The following TK2 variants were observed in gnomAD, a reference collection of about 807,000 sequenced individuals.
TK2 encodes thymidine kinase 2, also known as thymidine kinase 2, mitochondrial.
A neutral mutation model predicts 41.9 loss-of-function variants in TK2; 35 were observed. That is an observed-to-expected ratio of 0.84 (90% CI 0.64 to 1.11). The LOEUF is 1.11. Among genes scored for constraint, TK2 ranks in the 50% least tolerant of loss-of-function variants. The probability of loss-of-function intolerance (pLI) is 0.00; values close to 1 mark genes in which losing one functional copy is unlikely to be tolerated. For missense variants in TK2, 320 were observed against 351.1 expected (o/e 0.91, Z 0.71); for synonymous variants, 128 against 129.1 (o/e 0.99, Z 0.06).
chr16:66,528,594 G>C (rs1965007212), intron 6 of TK2, among the ~76,000 whole-genome samples: 1 of 152,174 alleles, frequency 6.6e-6, no homozygotes, highest in Non-Finnish European at 1.5e-5. Flanking sequence ...ATATGTCCTT[G>C]CATCTCTGCT....
chr16:66,534,269 C>A (rs1373854804), intron 4 of TK2, among the ~76,000 whole-genome samples: 1 of 151,910 alleles, frequency 6.6e-6, no homozygotes, highest in Non-Finnish European at 1.5e-5. Context: ...GCCCTAACTG[C>A]AAAAAATAAA....
At chr16:66,542,664 G>T (rs140474694) in intron 2 of TK2, among the ~76,000 whole-genome samples, 1 of 152,276 alleles carries the variant, frequency 6.6e-6, no homozygotes, top group Non-Finnish European at 1.5e-5. Context: ...AGTGGGAGGG[G>T]CCAGAAACAG....
chr16:66,536,012 TG>T (rs953319446), intron 4 of TK2, among the ~76,000 whole-genome samples: 12 of 152,118 alleles, frequency 7.9e-5, no homozygotes, highest in African/African-American at 2.9e-4. Flanking sequence ...GAGACCATCC[TG>T]GCCAACATGG....
At position 66,517,252 on chromosome 16, in the gene TK2, C is replaced by T. The variant is rs775280122; in HGVS notation, c.539-37G>A. On this transcript the variant is annotated intron_variant, in intron 7 of 9. Transcript: ENST00000544898. The surrounding 1 kb of genome is among the most constrained non-coding windows in gnomAD (Gnocchi z 4.3). The stretch of plus-strand genomic sequence containing the variant: ...AGAATACGTGGCTCTCAGGACTCTG[C>T]TCATGGCTTGGAAGCAAAGCAGGCA... 3 of 1,585,900 alleles carry T rather than the reference C, an allele frequency of 1.9e-6. No homozygotes were observed. In the South Asian group the frequency reaches 3.3e-5, roughly 18 times the overall value.
rs1319918760 is a variant in TK2 at position 66,514,488 on chromosome 16, G to A, written c.619-677C>T. 2.0e-5 allele frequency among the ~76,000 whole-genome samples: 3 copies of A among 152,168 alleles called. No individual in the cohort carries two copies. Among genetic ancestry groups the A allele is most frequent in the Non-Finnish European group, 2.9e-5 (2 of 68,034 alleles). ...TCGCTACAACCTCCACCTCCCAGCC[G>A]CCTGCCTTGGCCTCCCAAAGTGCCG... On this transcript the variant is annotated intron_variant, in intron 8 of 9. Coordinates refer to ENST00000544898, the MANE Select transcript of TK2 (RefSeq NM_004614.5). This position sits in a 1 kb window ranked among gnomAD's most constrained non-coding sequence, Gnocchi z 4.2.
rs148120249 is a variant in TK2 at position 66,547,828 on chromosome 16, T to C, written c.156+1150A>G. On this transcript the variant is annotated intron_variant, in intron 2 of 9. Transcript: ENST00000544898. ...GTTTACAAACAGTCCTGAGCCTGAA[T>C]GCAGGCTCCATACCACTTTCTATGA... is the stretch of plus-strand genomic sequence containing the variant. The C allele has an allele frequency of 1.1e-3, 1,258 of 1,179,754 alleles. 28 individuals carry two copies. The Admixed American group carries it at 0.036, about 33-fold the overall frequency. The allele number at this position is 1,179,754 out of a possible 1,614,324, so 73.1% of individuals were successfully genotyped here.
chr16:66,528,874 G>A, intron 6 of TK2, 120 bp downstream of exon 6: 1 of 919,192 alleles, frequency 1.1e-6, no homozygotes. Flanking sequence ...GCATTGCTAT[G>A]GCAATGGATA....
intron 6 of TK2, among the ~76,000 whole-genome samples, chr16:66,521,922 C>A (rs1279012654): frequency 6.6e-6 from 1 of 152,204 alleles, no homozygotes; most frequent in East Asian, 1.9e-4. Context: ...TTCTTGCATC[C>A]TTCCCTGAGG....
At chr16:66,520,433 T>G (rs919474523) in intron 6 of TK2, among the ~76,000 whole-genome samples, 5 of 152,146 alleles carry the variant, frequency 3.3e-5, no homozygotes, top group Non-Finnish European at 7.3e-5. Context: ...TCGTCTCCCC[T>G]AGTTCCAGCA....
chr16:66,550,010 C>T lies in TK2; in HGVS notation c.52G>A (p.Gly18Arg). 6.5e-7 allele frequency: 1 copy of T among 1,542,266 alleles called. No homozygotes were observed. Among genetic ancestry groups the T allele is most frequent in the South Asian group, 1.2e-5 (1 of 83,670 alleles). Residue 18 changes from glycine to arginine, a missense_variant, in exon 1 of 10, where the codon GGG (glycine) becomes AGG (arginine). Gly to Arg is a moderately radical substitution (Grantham distance 125). Coordinates refer to ENST00000544898, the MANE Select transcript of TK2 (RefSeq NM_004614.5). ...GCCGGGCTCCCGCGACTTCCCGGCC[C>T]AAAGCAGCGCAGCGCCCGGGCGGCC... ...GWAARALRCF[G>R]PGSRGSPASG...
intron 6 of TK2, among the ~76,000 whole-genome samples, chr16:66,518,303 G>T (rs1046216887): frequency 4.6e-5 from 7 of 152,170 alleles, no homozygotes; most frequent in Non-Finnish European, 7.3e-5. Context: ...GAGGTGGGAG[G>T]ATCACTTGAG....
chr16:66,540,964 G>C (rs968257505), intron 3 of TK2, among the ~76,000 whole-genome samples: 1 of 152,192 alleles, frequency 6.6e-6, no homozygotes, highest in African/African-American at 2.4e-5. Flanking sequence ...AATACAAACA[G>C]TTTGAGCATC....
rs930160035 is a variant in TK2 at position 66,514,532 on chromosome 16, G to A, written c.619-721C>T. On this transcript the variant is annotated intron_variant, in intron 8 of 9. Transcript: ENST00000544898. The surrounding 1 kb of genome is among the most constrained non-coding windows in gnomAD (Gnocchi z 4.2). Reference sequence around the variant, plus strand: ...AGTGCCGAGATTGCAGCCTCTGCCCGGCTGCCACCCCGTCTAGGAAGTGAG... The same window carrying A: ...AGTGCCGAGATTGCAGCCTCTGCCCAGCTGCCACCCCGTCTAGGAAGTGAG... Among the ~76,000 whole-genome samples, 4 of 152,288 alleles carry A rather than the reference G, an allele frequency of 2.6e-5. No homozygotes were observed. Among genetic ancestry groups the A allele is most frequent in the Admixed American group, 6.5e-5 (1 of 15,282 alleles).
chr16:66,513,973 G>A (rs770013037), intron 8 of TK2, 162 bp from the exon 9 acceptor site: 36 of 700,056 alleles, frequency 5.1e-5, no homozygotes, highest in Admixed American at 2.2e-4. Context: ...AGCGGCAGAC[G>A]CAGCCACACA....
chr16:66,546,100 T>A (rs117687805), intron 2 of TK2, among the ~76,000 whole-genome samples: 34 of 151,774 alleles, frequency 2.2e-4, no homozygotes, highest in Non-Finnish European at 2.9e-5. Flanking sequence ...AATGGTGGTA[T>A]GTGCCTGTAG....
At chr16:66,527,875 C>CA (rs371184864) in intron 6 of TK2, among the ~76,000 whole-genome samples, 21 of 151,572 alleles carry the variant, frequency 1.4e-4, no homozygotes, top group African/African-American at 4.8e-4. Flanking sequence ...ACTAAAAATA[C>CA]AAAAAAAATA....
chr16:66,528,888 G>A, intron 6 of TK2, 106 bp downstream of exon 6: 1 of 1,075,908 alleles, frequency 9.3e-7, no homozygotes, highest in Non-Finnish European at 1.4e-6. Context: ...ATGGATAACT[G>A]ATACAACAGC....
At chr16:66,513,158 G>A (rs1050400264) in intron 9 of TK2, among the ~76,000 whole-genome samples, 5 of 152,230 alleles carry the variant, frequency 3.3e-5, no homozygotes, top group Admixed American at 3.3e-4. Flanking sequence ...GTAAGGAAAT[G>A]CTGACGGGAC....
intron 8 of TK2, 23 bp from the exon 9 acceptor site, chr16:66,513,834 C>A: frequency 6.2e-7 from 1 of 1,612,112 alleles, no homozygotes; most frequent in South Asian, 1.1e-5. Context: ...CACAAGCAGT[C>A]TGTCGGGAGT....
Sources: allele counts gnomAD v4.1 joint callset (sites outside exome capture counted in the v4.1 genomes callset), GRCh38; gene constraint gnomAD v4.1.1; non-coding constraint Gnocchi (gnomAD v3.1); transcripts MANE v1.5; gene names NCBI Gene and HGNC (gene_info 2026-07-23, HGNC 2026-07-21).